DIAPH2: variants seen among roughly 807,000 people sequenced by gnomAD.
DIAPH2 encodes the protein protein diaphanous homolog 2.
In DIAPH2, 35 loss-of-function variants were observed where a neutral mutation model predicts 92.7. The ratio of observed to expected loss-of-function variants is 0.38; its 90% CI spans 0.29 to 0.50. DIAPH2 has a LOEUF of 0.50. DIAPH2 is among the 20% of genes least tolerant of loss of function. The pLI, the probability that DIAPH2 is intolerant of heterozygous loss-of-function variation, is 0.94. For missense variants in DIAPH2, 701 were observed against 819.5 expected (o/e 0.86, Z 1.77); for synonymous variants, 301 against 280.4 (o/e 1.07, Z -0.73).
intron 17 of DIAPH2, among the ~76,000 whole-genome samples, chrX:97,071,351 A>G (rs549033844): frequency 8.9e-5 from 10 of 111,822 alleles, no homozygotes; most frequent in African/African-American, 3.2e-4. Flanking sequence ...ATATATACAG[A>G]TAAATATCAA....
chrX:96,934,895 G>A (rs2065647021), intron 10 of DIAPH2, among the ~76,000 whole-genome samples: 1 of 111,388 alleles, frequency 9.0e-6, no homozygotes, highest in Admixed American at 9.6e-5. Context: ...AATGGTGTTG[G>A]TAGGCAGTGG....
intron 23 of DIAPH2, among the ~76,000 whole-genome samples, chrX:97,288,740 CA>C (rs1167955541): frequency 0.066 from 3,444 of 52,408 alleles, 141 homozygotes; most frequent in African/African-American, 0.19. Flanking sequence ...GACTCTGTCT[CA>C]AAAAAAAAAA....
chrX:97,114,751 C>G lies in DIAPH2; in HGVS notation c.2375C>G (p.Pro792Arg). Reference protein sequence around the residue: ...VVMSSVKMLQPRLSSILFKLT... With the variant: ...VVMSSVKMLQRRLSSILFKLT... ...ATGAGCTCTGTGAAAATGTTACAGCCTCGTCTCAGTAGTATCCTGTTCAAG... is the reference window on the plus strand; with the variant it reads ...ATGAGCTCTGTGAAAATGTTACAGCGTCGTCTCAGTAGTATCCTGTTCAAG... The change falls in exon 21 of 27, where the codon CCT (proline) becomes CGT (arginine). Residue 792 changes from proline to arginine, a missense_variant. Coordinates refer to ENST00000324765, the MANE Select transcript of DIAPH2 (RefSeq NM_006729.5). The G allele has an allele frequency of 8.3e-7, 1 of 1,206,719 alleles. No individual in the cohort carries two copies. Among genetic ancestry groups the G allele is most frequent in the South Asian group, 1.8e-5 (1 of 55,711 alleles).
chrX:97,275,195 C>T (rs2068429667), intron 23 of DIAPH2, among the ~76,000 whole-genome samples: 3 of 111,448 alleles, frequency 2.7e-5, no homozygotes, highest in African/African-American at 6.5e-5. Flanking sequence ...CAGAGGGGCT[C>T]CTCACTTCCC....
At chrX:97,431,028 G>T (rs1286774466) in intron 26 of DIAPH2, among the ~76,000 whole-genome samples, 1 of 111,751 alleles carries the variant, frequency 8.9e-6, no homozygotes, top group African/African-American at 3.2e-5. Context: ...TGGAAGACTG[G>T]ACGAAAAAAA....
chrX:97,473,325 A>T (rs2070577638), intron 26 of DIAPH2, among the ~76,000 whole-genome samples: 1 of 111,225 alleles, frequency 9.0e-6, no homozygotes, highest in Non-Finnish European at 1.9e-5. Flanking sequence ...CTTTTTTAAA[A>T]AATTAATTAA....
At chrX:97,133,064 TA>T (rs2067148501) in intron 21 of DIAPH2, among the ~76,000 whole-genome samples, 1 of 111,955 alleles carries the variant, frequency 8.9e-6, no homozygotes, top group Admixed American at 9.5e-5. Flanking sequence ...ATTTAAGTTT[TA>T]ATATGCTTTA....
intron 26 of DIAPH2, among the ~76,000 whole-genome samples, chrX:97,560,150 C>A (rs1440166365): frequency 8.9e-6 from 1 of 111,938 alleles, no homozygotes; most frequent in African/African-American, 3.3e-5. Context: ...ATCCCTGCCA[C>A]CTCTCATCTA....
intron 23 of DIAPH2, among the ~76,000 whole-genome samples, chrX:97,275,143 A>G (rs1260565751): frequency 5.4e-5 from 6 of 112,138 alleles, no homozygotes; most frequent in South Asian, 7.4e-4. Context: ...CCCGTTCTCA[A>G]TGAGCTGCTG....
At chrX:97,229,636 C>T (rs1569335600) in intron 22 of DIAPH2, among the ~76,000 whole-genome samples, 1 of 109,608 alleles carries the variant, frequency 9.1e-6, no homozygotes, top group Non-Finnish European at 1.9e-5. Flanking sequence ...GTGGTCTGCT[C>T]AGGTTTGGAT....
chrX:97,403,292 T>C (rs2069776053), intron 25 of DIAPH2, among the ~76,000 whole-genome samples: 1 of 112,545 alleles, frequency 8.9e-6, no homozygotes, highest in Non-Finnish European at 1.9e-5. Context: ...TTTCAAAATG[T>C]CTTTTTCTAT....
intron 23 of DIAPH2, among the ~76,000 whole-genome samples, chrX:97,282,435 G>A (rs1227426311): frequency 1.8e-5 from 2 of 111,032 alleles, no homozygotes; most frequent in South Asian, 3.8e-4. Context: ...TCAGCCTCCC[G>A]AGTAGCTGGG....
At chrX:97,253,157 A>G (rs1464335791) in intron 23 of DIAPH2, among the ~76,000 whole-genome samples, 1 of 109,248 alleles carries the variant, frequency 9.2e-6, no homozygotes, top group African/African-American at 3.3e-5. Flanking sequence ...GCATGGTGGC[A>G]CAAGCCTATA....
chrX:96,778,828 C>T (rs2064396147), intron 4 of DIAPH2, among the ~76,000 whole-genome samples: 1 of 111,633 alleles, frequency 9.0e-6, no homozygotes. Context: ...TCAGGGTAAA[C>T]ATTGTGGGCA....
chrX:96,940,783 G>A (rs138808398), intron 12 of DIAPH2, among the ~76,000 whole-genome samples: 84 of 111,273 alleles, frequency 7.5e-4, no homozygotes, highest in African/African-American at 2.6e-3. Flanking sequence ...ATTTAAAAGG[G>A]GTACTGTGCC....
chrX:97,221,313 C>T (rs1272300951), intron 22 of DIAPH2, among the ~76,000 whole-genome samples: 2 of 111,674 alleles, frequency 1.8e-5, no homozygotes, highest in Non-Finnish European at 3.8e-5. Context: ...GAAGCAAAAA[C>T]GTATTGTGTT....
chrX:97,450,309 T>C (rs953324413), intron 26 of DIAPH2, among the ~76,000 whole-genome samples: 22 of 111,766 alleles, frequency 2.0e-4, no homozygotes, highest in African/African-American at 7.2e-4. Context: ...GTGGTTCGAA[T>C]GTAAGGGGTA....
chrX:97,306,378 A>G (rs769284874), intron 23 of DIAPH2, among the ~76,000 whole-genome samples: 1 of 111,262 alleles, frequency 9.0e-6, no homozygotes, highest in South Asian at 3.9e-4. Context: ...ATGTAGGGAT[A>G]ACCTTCCTGG....
chrX:97,038,892 T>A (rs1487276285), intron 17 of DIAPH2, among the ~76,000 whole-genome samples: 1 of 111,851 alleles, frequency 8.9e-6, no homozygotes, highest in East Asian at 2.8e-4. Context: ...TATTTGATAT[T>A]ATTATGCCAC....
Sources: gnomAD v4.1 joint callset for allele counts (sites outside exome capture counted in the v4.1 genomes callset) on GRCh38, gnomAD v4.1.1 for gene constraint, MANE v1.5 for transcripts, NCBI Gene and HGNC (gene_info 2026-07-23, HGNC 2026-07-21) for gene names.